Variants in ANKRD24 observed in about 807,000 individuals in gnomAD.
The protein encoded by ANKRD24 is ankyrin repeat domain-containing protein 24.
In ANKRD24, 109 loss-of-function variants were observed where a neutral mutation model predicts 127.8. The observed-to-expected ratio is 0.85, with a 90% CI of 0.73 to 1.00. ANKRD24 has a LOEUF of 1.00. Among genes scored for constraint, ANKRD24 ranks in the 50% least tolerant of loss-of-function variants. ANKRD24 has a pLI of 0.00. For missense variants in ANKRD24, 1,648 were observed against 1,570.2 expected, an observed-to-expected ratio of 1.05 and a Z score of -0.84; for synonymous variants, 743 against 671.1, an observed-to-expected ratio of 1.11 and a Z score of -1.66.
Position 4,188,081 on chromosome 19 carries a change from T to C in ANKRD24, c.36+1620T>C, listed in dbSNP as rs1968168635. Among the ~76,000 whole-genome samples the C allele has an allele frequency of 2.0e-5, 3 of 152,244 alleles. No individual in the cohort carries two copies. In the South Asian group the frequency reaches 6.2e-4, roughly 32 times the overall value. Reference sequence around the variant, plus strand: ...GCCTGGATTTCATTTTTTATTTTATTTTATTTTATTTTTGAGATGGAGTTT... The same window carrying C: ...GCCTGGATTTCATTTTTTATTTTATCTTATTTTATTTTTGAGATGGAGTTT... On this transcript the variant is annotated intron_variant, in intron 2 of 21. Coordinates refer to ENST00000318934, the MANE Select transcript of ANKRD24 (RefSeq NM_001393985.1).
In ANKRD24 at chr19:4,217,680, G is replaced by C; in HGVS notation, c.2520G>C (p.Glu840Asp). The change falls in exon 18 of 22, where the codon GAG becomes GAC. Residue 840 changes from glutamate (E) to aspartate (D), a missense_variant. By Grantham distance (45) the Glu-to-Asp change is conservative. Coordinates refer to ENST00000318934, the MANE Select transcript of ANKRD24 (RefSeq NM_001393985.1). Reference protein sequence around the residue: ...RGLRAELAQREEARLEQSREL... With the variant: ...RGLRAELAQRDEARLEQSREL... Reference sequence around the variant, plus strand: ...TGCGGGCCGAGCTGGCCCAGCGGGAGGAGGCGCGGCTGGAGCAGAGCCGGG... The same window carrying C: ...TGCGGGCCGAGCTGGCCCAGCGGGACGAGGCGCGGCTGGAGCAGAGCCGGG... 3.1e-6 allele frequency: 4 copies of C among 1,285,740 alleles called. No individual in the cohort carries two copies. The highest frequency in any genetic ancestry group is 2.9e-6 in the Non-Finnish European group (3 of 1,020,594). 79.6% of individuals were successfully genotyped at this position (1,285,740 alleles called of 1,614,324 possible).
chr19:4,182,960 C>T (rs547405755), intron 1 of ANKRD24, among the ~76,000 whole-genome samples: 9 of 50,084 alleles, frequency 1.8e-4, no homozygotes, highest in Non-Finnish European at 4.5e-4. Context: ...ACCTGAATAT[C>T]TCATTTGTGT....
At chr19:4,192,290 A>G (rs1968427139) in intron 2 of ANKRD24, among the ~76,000 whole-genome samples, 1 of 152,150 alleles carries the variant, frequency 6.6e-6, no homozygotes, top group Non-Finnish European at 1.5e-5. Flanking sequence ...CTAGAGAGTC[A>G]CAGACTCCAT....
chr19:4,193,564 G>T (rs1288421296), intron 2 of ANKRD24, among the ~76,000 whole-genome samples: 1 of 151,822 alleles, frequency 6.6e-6, no homozygotes, highest in Non-Finnish European at 1.5e-5. Context: ...GATGGCAGGC[G>T]CGGTGGCTCA....
rs1252950283 is a variant in ANKRD24 at position 4,199,903 on chromosome 19, G to A, written c.152G>A (p.Arg51Lys). The part of the protein sequence containing the change: ...QSQDWGKSDE[R>K]LLQAVENNDA... ...CAAGACTGGGGCAAGAGTGACGAGAGGCTGCTACAAGCCGTGGAAAACAAC... is the reference window on the plus strand; with the variant it reads ...CAAGACTGGGGCAAGAGTGACGAGAAGCTGCTACAAGCCGTGGAAAACAAC... The change falls in exon 4 of 22, where the codon AGG becomes AAG. Residue 51 changes from arginine (R) to lysine (K), a missense_variant. Coordinates refer to ENST00000318934, the MANE Select transcript of ANKRD24 (RefSeq NM_001393985.1). This position sits in a 1 kb window ranked among gnomAD's most constrained non-coding sequence, Gnocchi z 5.2. 5.7e-6 allele frequency: 9 copies of A among 1,570,928 alleles called. No individual in the cohort carries two copies. In the South Asian group the frequency reaches 8.2e-5, roughly 14 times the overall value.
intron 5 of ANKRD24, 72 bp from the exon 6 acceptor site, chr19:4,201,954 G>A: frequency 7.4e-7 from 1 of 1,342,938 alleles, no homozygotes. Flanking sequence ...ACAAGTAGTT[G>A]ACATGGCTTG....
intron 7 of ANKRD24, among the ~76,000 whole-genome samples, chr19:4,203,795 T>C (rs1969230704): frequency 6.6e-6 from 1 of 151,812 alleles, no homozygotes; most frequent in South Asian, 2.1e-4. Flanking sequence ...TACAGACCTA[T>C]GCCACAACAC....
chr19:4,193,267 A>G (rs114934939), intron 2 of ANKRD24, among the ~76,000 whole-genome samples: 2,763 of 139,582 alleles, frequency 0.02, 115 homozygotes, highest in African/African-American at 0.072. Context: ...CCTCCACTGC[A>G]CTCCAGTCTG....
At chr19:4,184,541 C>G (rs1342219116) in intron 1 of ANKRD24, among the ~76,000 whole-genome samples, 1 of 152,234 alleles carries the variant, frequency 6.6e-6, no homozygotes, top group Admixed American at 6.5e-5. Context: ...ACCCGGCCAT[C>G]AGGCCCTTCT....
At chr19:4,190,549 AC>A (rs1371882763) in intron 2 of ANKRD24, among the ~76,000 whole-genome samples, 1 of 151,086 alleles carries the variant, frequency 6.6e-6, no homozygotes, top group East Asian at 1.9e-4. Context: ...ACATGGTGAA[AC>A]CCCCTCTCTA....
chr19:4,205,446 C>T (rs1488952893), intron 7 of ANKRD24, among the ~76,000 whole-genome samples: 1 of 152,206 alleles, frequency 6.6e-6, no homozygotes, highest in Non-Finnish European at 1.5e-5. Flanking sequence ...AATTCATACC[C>T]AGGGATTCCA....
intron 5 of ANKRD24, among the ~76,000 whole-genome samples, chr19:4,201,219 T>C (rs1015085015): frequency 2.6e-5 from 4 of 151,776 alleles, no homozygotes; most frequent in Admixed American, 6.6e-5. Context: ...AAAGGAGTAG[T>C]TGGGGCTCAG....
Position 4,218,083 on chromosome 19 carries a change from C to T in ANKRD24, c.2923C>T (p.Gln975Ter). The change falls in exon 18 of 22, where the codon CAG becomes TAG. Residue 975 changes from glutamine to a stop codon, truncating the protein, a stop_gained. Coordinates refer to ENST00000318934, the MANE Select transcript of ANKRD24 (RefSeq NM_001393985.1). LOFTEE classifies it high-confidence loss of function. ...GCACGAACGCATCGTGGGCACCCTG[C>T]AGGCCAACGTGGCCCAGCTGGAGGG... is the stretch of plus-strand genomic sequence containing the variant. ...SEHERIVGTL[Q>*]ANVAQLEGQL... is the part of the protein sequence containing the mutation. The T allele has an allele frequency of 1.3e-6, 2 of 1,550,154 alleles. No individual in the cohort carries two copies. Among genetic ancestry groups the T allele is most frequent in the Non-Finnish European group, 8.7e-7 (1 of 1,150,898 alleles).
Position 4,217,888 on chromosome 19 carries a change from C to T in ANKRD24, c.2728C>T (p.Arg910Cys). Reference protein sequence around the residue: ...AELREASEALRQSVVPASEHR... With the variant: ...AELREASEALCQSVVPASEHR... ...GCTGCGGGAGGCCTCCGAGGCCCTC[C>T]GCCAGTCCGTGGTGCCGGCCTCTGA... is the stretch of plus-strand genomic sequence containing the variant. Residue 910 changes from arginine (R) to cysteine (C), a missense_variant, in exon 18 of 22, where the codon CGC (arginine) becomes TGC (cysteine). Coordinates refer to ENST00000318934, the MANE Select transcript of ANKRD24 (RefSeq NM_001393985.1). 13 of 1,472,554 alleles carry T rather than the reference C, an allele frequency of 8.8e-6. No homozygotes were observed. The highest frequency in any genetic ancestry group is 1.3e-5 in the South Asian group (1 of 77,220). The allele number at this position is 1,472,554 out of a possible 1,614,324, so 91.2% of individuals were successfully genotyped here.
In ANKRD24 at chr19:4,217,990, G is replaced by A. The variant is rs769468641; in HGVS notation, c.2830G>A (p.Gly944Ser). ...ASLEQEVVAT[G>S]KEAARLRAEL... ...TCTGGAGCAGGAGGTGGTGGCCACG[G>A]GCAAGGAGGCCGCCCGGCTGCGCGC... The change falls in exon 18 of 22, where the codon GGC becomes AGC. Residue 944 changes from glycine (G) to serine (S), a missense_variant. Transcript: ENST00000318934. 2.4e-5 allele frequency: 36 copies of A among 1,528,612 alleles called. No individual in the cohort carries two copies. The highest frequency in any genetic ancestry group is 3.0e-5 in the Non-Finnish European group (34 of 1,145,582). The allele number at this position is 1,528,612 out of a possible 1,614,324, so 94.7% of individuals were successfully genotyped here.
chr19:4,222,121 G>C (rs1387719308), intron 19 of ANKRD24, among the ~76,000 whole-genome samples: 1 of 152,246 alleles, frequency 6.6e-6, no homozygotes, highest in Non-Finnish European at 1.5e-5. Context: ...GGGCGCGGTG[G>C]CTCACGCCTG....
chr19:4,211,257 G>A (rs76954114), intron 13 of ANKRD24, among the ~76,000 whole-genome samples: 7,597 of 152,250 alleles, frequency 0.05, 668 homozygotes, highest in African/African-American at 0.17. Flanking sequence ...CAGTATGGGC[G>A]TCGTCAATAT....
In ANKRD24 at chr19:4,213,946, T is replaced by C. The variant is rs1281323581; in HGVS notation, c.1197+1248T>C. Among the ~76,000 whole-genome samples the C allele has an allele frequency of 2.7e-5, 4 of 149,464 alleles. No individual in the cohort carries two copies. The East Asian group carries it at 5.9e-4, about 22-fold the overall frequency. The stretch of plus-strand genomic sequence containing the variant: ...CACCACACTCAGACCCAGAAAGGAG[T>C]TTTCTCTAAGCATACGCATCCATGC... On this transcript the variant is annotated intron_variant, in intron 15 of 21. Coordinates refer to ENST00000318934, the MANE Select transcript of ANKRD24 (RefSeq NM_001393985.1).
intron 9 of ANKRD24, 22 bp downstream of exon 9, chr19:4,207,629 C>T (rs1290986050): frequency 6.2e-7 from 1 of 1,610,440 alleles, no homozygotes; most frequent in Non-Finnish European, 8.5e-7. Flanking sequence ...CCCTCCCAGC[C>T]AGTCCACCCT....
Sources: gnomAD v4.1 joint callset for allele counts (sites outside exome capture counted in the v4.1 genomes callset) on GRCh38, gnomAD v4.1.1 for gene constraint, Gnocchi (gnomAD v3.1) non-coding constraint, MANE v1.5 for transcripts, NCBI Gene and HGNC (gene_info 2026-07-23, HGNC 2026-07-21) for gene names.